The following RTEL1 variants were observed in gnomAD, a reference collection of about 807,000 sequenced individuals.
RTEL1 encodes the protein regulator of telomere elongation helicase 1.
In RTEL1, 86 loss-of-function variants were observed where a neutral mutation model predicts 162.2. The observed-to-expected ratio is 0.53, with a 90% CI of 0.45 to 0.63. The LOEUF (loss-of-function observed/expected upper bound fraction) is 0.63, where lower values mean the gene tolerates loss of function less well. Ranked by LOEUF, RTEL1 falls within the 30% of genes least tolerant of loss-of-function variation. The pLI is 0.00. For missense variants in RTEL1, 1,941 were observed against 1,750.2 expected (o/e 1.11, Z -1.95); for synonymous variants, 958 against 717.9 (o/e 1.33, Z -5.35).
rs374702981 is a variant in RTEL1, at chr20:63,688,131, G to C, written c.1596-8G>C. 1.2e-5 allele frequency: 19 copies of C among 1,612,528 alleles called. No individual in the cohort carries two copies. In the South Asian group the frequency reaches 2.1e-4, roughly 18 times the overall value. ...TGAGGTCCTGAGCAGTGGCCTCTCC[G>C]GCTCTAGGTTTTCCGAGGAGTGCTT... On this transcript the variant is annotated splice_polypyrimidine_tract_variant and splice_region_variant and intron_variant, in intron 18 of 34. Transcript: ENST00000360203.
intron 23 of RTEL1, 25 bp from the exon 24 acceptor site, chr20:63,689,725 G>T (rs750490690): frequency 1.9e-6 from 3 of 1,607,814 alleles, no homozygotes; most frequent in East Asian, 4.5e-5. Context: ...GGGAGCCCCC[G>T]TGACCGAGCC....
Position 63,692,711 on chromosome 20 carries a change from C to T in RTEL1, c.2653-94C>T, listed in dbSNP as rs560441432. The T allele has an allele frequency of 8.4e-5, 106 of 1,256,912 alleles. 2 individuals are homozygous for T. In the East Asian group the frequency reaches 2.2e-3, roughly 26 times the overall value. 77.9% of individuals were successfully genotyped at this position (1,256,912 alleles called of 1,614,324 possible). On this transcript the variant is annotated intron_variant, in intron 28 of 34. Coordinates refer to ENST00000360203, the MANE Select transcript of RTEL1 (RefSeq NM_001283009.2). The stretch of plus-strand genomic sequence containing the variant: ...AGCCCCACCTCGGCAGTCACTGTCC[C>T]AGGGAACGCTCAATGTTCCAAGGAA...
chr20:63,663,620 T>G (rs1438491701), intron 6 of RTEL1, among the ~76,000 whole-genome samples: 1 of 152,214 alleles, frequency 6.6e-6, no homozygotes. Flanking sequence ...GCACCCCCGT[T>G]GGCTGCCCTT....
At chr20:63,693,427 C>A (rs1239339903) in intron 30 of RTEL1, 144 bp downstream of exon 30, 3 of 920,852 alleles carry the variant, frequency 3.3e-6, no homozygotes, top group East Asian at 2.6e-5. Context: ...GGGGCCTCCA[C>A]CTCCACCACC....
chr20:63,671,648 A>ATT (rs10717389), intron 8 of RTEL1, among the ~76,000 whole-genome samples: 1 of 140,638 alleles, frequency 7.1e-6, no homozygotes. Context: ...CGCCTGGCTA[A>ATT]TTTTTTTTTT....
Position 63,688,020 on chromosome 20 carries a change from G to A in RTEL1, c.1565G>A (p.Gly522Glu). The change falls in exon 18 of 35, where the codon GGA becomes GAA. Residue 522 changes from glycine (G) to glutamate (E), a missense_variant. Physicochemically the swap from Gly to Glu is moderately conservative, Grantham distance 98 (BLOSUM62 -2). Coordinates refer to ENST00000360203, the MANE Select transcript of RTEL1 (RefSeq NM_001283009.2). ...WVGVVPRGPD[G>E]AQLSSAFDRR... The stretch of plus-strand genomic sequence containing the variant: ...GGGGTCGTCCCCAGAGGCCCCGATG[G>A]AGCCCAGTTGAGCTCCGCGTTTGAC... 6.2e-7 allele frequency: 1 copy of A among 1,612,818 alleles called. No homozygotes were observed. The highest frequency in any genetic ancestry group is 1.3e-5 in the African/African-American group (1 of 75,078).
chr20:63,681,593 G>A (rs746299943), intron 14 of RTEL1: 296 of 985,256 alleles, frequency 3.0e-4, no homozygotes, highest in Non-Finnish European at 3.4e-4. Flanking sequence ...GGGATGCATG[G>A]CTGGCCTGTG....
chr20:63,695,334 C>CA lies in RTEL1; in HGVS notation c.3507dup (p.Arg1170ThrfsTer17). On this transcript the variant is annotated frameshift_variant, in exon 34 of 35. Coordinates refer to ENST00000360203, the MANE Select transcript of RTEL1 (RefSeq NM_001283009.2). LOFTEE classifies it high-confidence loss of function. Reference sequence around the variant, plus strand: ...CTCAAGTCTCTGTCTCCAGGCCCCTCACGGTCCGAGAAGACCGGGAAGACC... The same window carrying CA: ...CTCAAGTCTCTGTCTCCAGGCCCCTCAACGGTCCGAGAAGACCGGGAAGACC... 6.4e-7 allele frequency: 1 copy of CA among 1,559,652 alleles called. No individual in the cohort carries two copies. The highest frequency in any genetic ancestry group is 8.7e-7 in the Non-Finnish European group (1 of 1,152,508).
chr20:63,662,835 T>C lies in RTEL1; in HGVS notation c.484T>C (p.Leu162=), dbSNP rs1199895928. ...TCTGCCCTTCCTCCCACAGATCCAC[T>C]TGTGCCGTAAGAAGGTGGCAAGTCG... The part of the protein sequence containing the change: ...KQESNHLQIH[L]CRKKVASRSC... Residue 162 remains leucine, a synonymous_variant, in exon 6 of 35, where the codon TTG becomes CTG. Transcript: ENST00000360203. 1.2e-6 allele frequency: 2 copies of C among 1,613,950 alleles called. No individual in the cohort carries two copies. The highest frequency in any genetic ancestry group is 1.3e-5 in the African/African-American group (1 of 75,062).
chr20:63,693,477 ACCT>A lies in RTEL1; in HGVS notation c.2992+197_2992+199del, dbSNP rs1206418425. ...CACCTCCACCTCCACCTCCACCTCC[ACCT>A]CCACCACCACCTCCACCTCCACCAC... On this transcript the variant is annotated intron_variant, in intron 30 of 34. Transcript: ENST00000360203. Among the ~76,000 whole-genome samples, 211 of 45,084 alleles carry A rather than the reference ACCT, an allele frequency of 4.7e-3. 22 individuals carry two copies. Among genetic ancestry groups the A allele is most frequent in the East Asian group, 7.0e-3 (9 of 1,280 alleles). The allele number at this position is 45,084 out of a possible 152,430, so 29.6% of individuals were successfully genotyped here. A position where few individuals can be genotyped will look rare whatever the true frequency, so the allele number is the denominator to read the frequency against.
In RTEL1 at chr20:63,693,349, G is replaced by C. The variant is rs1161987327; in HGVS notation, c.2992+66G>C. 11 of 1,587,844 alleles carry C rather than the reference G, an allele frequency of 6.9e-6. No individual in the cohort carries two copies. In the South Asian group the frequency reaches 7.7e-5, roughly 11 times the overall value. On this transcript the variant is annotated intron_variant, in intron 30 of 34. Coordinates refer to ENST00000360203, the MANE Select transcript of RTEL1 (RefSeq NM_001283009.2). ...GAAGGCAGTGTGGGCCAGAGTCCTG[G>C]GCTGCTTGGGGTGGGCATCCTCGGG...
Position 63,695,887 on chromosome 20 carries a change from A to T in RTEL1, c.*29A>T. On this transcript the variant is annotated 3_prime_UTR_variant, in exon 35 of 35. Coordinates refer to ENST00000360203, the MANE Select transcript of RTEL1 (RefSeq NM_001283009.2). ...CCCACGGAGGCCCCCAGCACACCCA[A>T]CGTGGCTTGATCACCTGCCTGTCCA... is the stretch of plus-strand genomic sequence containing the variant. The T allele has an allele frequency of 3.9e-6, 6 of 1,552,074 alleles. No homozygotes were observed. Among genetic ancestry groups the T allele is most frequent in the Non-Finnish European group, 3.5e-6 (4 of 1,148,184 alleles).
intron 17 of RTEL1, 81 bp from the exon 18 acceptor site, chr20:63,687,856 G>C: frequency 6.4e-7 from 1 of 1,569,418 alleles, no homozygotes; most frequent in Non-Finnish European, 8.6e-7. Flanking sequence ...CCATGAGCCG[G>C]GTGCTGGGGG....
intron 16 of RTEL1, chr20:63,686,250 G>A (rs951486997): frequency 6.3e-6 from 2 of 318,024 alleles, no homozygotes; most frequent in South Asian, 3.0e-5. Flanking sequence ...CAAGCCTCAG[G>A]GTCACATCTG....
At position 63,679,811 on chromosome 20, in the gene RTEL1, C is replaced by T. The variant is rs369479092; in HGVS notation, c.1038-38C>T. ...AGTTCCCAAAGCTGCAGTCTGGTCC[C>T]CCCGCCAGGCTCGAGCCTGCCTTCT... On this transcript the variant is annotated intron_variant, in intron 12 of 34. Transcript: ENST00000360203. 3.3e-6 allele frequency: 5 copies of T among 1,533,060 alleles called. No individual in the cohort carries two copies. The Admixed American group carries it at 8.4e-5, about 26-fold the overall frequency. The allele number at this position is 1,533,060 out of a possible 1,614,324, so 95.0% of individuals were successfully genotyped here. A position where few individuals can be genotyped will look rare whatever the true frequency, so the allele number is the denominator to read the frequency against.
At chr20:63,663,728 C>T (rs2090067489) in intron 6 of RTEL1, among the ~76,000 whole-genome samples, 1 of 152,156 alleles carries the variant, frequency 6.6e-6, no homozygotes, top group Non-Finnish European at 1.5e-5. Flanking sequence ...AGTTGGGGCT[C>T]AAGCCTCAGG....
intron 20 of RTEL1, 46 bp from the exon 21 acceptor site, chr20:63,688,482 G>A (rs753085531): frequency 1.1e-5 from 17 of 1,606,444 alleles, no homozygotes; most frequent in African/African-American, 1.3e-5. Flanking sequence ...TCATCGGATC[G>A]GCGGCGTGAC....
At chr20:63,686,710 C>T (rs1484678981) in intron 16 of RTEL1, 1 of 152,646 alleles carries the variant, frequency 6.6e-6, no homozygotes, top group Non-Finnish European at 1.5e-5. Context: ...GGTGGCGTGG[C>T]TTGACCCCCG....
At chr20:63,694,620 C>A in intron 31 of RTEL1, 121 bp from the exon 32 acceptor site, 1 of 1,210,540 alleles carries the variant, frequency 8.3e-7, no homozygotes, top group Non-Finnish European at 1.2e-6. Context: ...GCTCCCGGTT[C>A]TGCACCCCGC....
Sources: gnomAD v4.1 joint callset for allele counts (sites outside exome capture counted in the v4.1 genomes callset) on GRCh38, gnomAD v4.1.1 for gene constraint, MANE v1.5 for transcripts, NCBI Gene and HGNC (gene_info 2026-07-23, HGNC 2026-07-21) for gene names.